The following PRKCI variants were observed in gnomAD, a reference collection of about 807,000 sequenced individuals.
PRKCI encodes the protein protein kinase C iota type.
A neutral mutation model predicts 84.0 loss-of-function variants in PRKCI; 43 were observed. The ratio of observed to expected loss-of-function variants is 0.51; its 90% confidence interval spans 0.40 to 0.66. The LOEUF (loss-of-function observed/expected upper bound fraction) is 0.66, where lower values mean the gene tolerates loss of function less well. PRKCI is among the 30% of genes least tolerant of loss of function. The pLI is 0.00. For synonymous variants in PRKCI, 216 were observed against 234.4 expected (o/e 0.92, Z 0.72); for missense variants, 459 against 745.6 (o/e 0.62, Z 4.48).
intron 17 of PRKCI, among the ~76,000 whole-genome samples, chr3:170,301,416 G>A (rs147419593): frequency 2.6e-5 from 4 of 152,242 alleles, no homozygotes; most frequent in Non-Finnish European, 4.4e-5. Context: ...TGTTTAACAC[G>A]GCCCCCAGTT....
chr3:170,269,340 C>T (rs1733945093), intron 5 of PRKCI, among the ~76,000 whole-genome samples: 1 of 152,246 alleles, frequency 6.6e-6, no homozygotes, highest in African/African-American at 2.4e-5. Context: ...TCTCCAAACT[C>T]TCTTACTTCC....
chr3:170,235,766 T>C (rs1475364787), intron 2 of PRKCI, among the ~76,000 whole-genome samples: 1 of 151,752 alleles, frequency 6.6e-6, no homozygotes, highest in Non-Finnish European at 1.5e-5. Flanking sequence ...GGGGTTTCGC[T>C]ATGTTGGCCA....
intron 1 of PRKCI, among the ~76,000 whole-genome samples, chr3:170,226,058 G>A (rs1732620598): frequency 6.6e-6 from 1 of 151,758 alleles, no homozygotes; most frequent in African/African-American, 2.4e-5. Flanking sequence ...GACTACAGGC[G>A]CCCACCACCA....
intron 2 of PRKCI, among the ~76,000 whole-genome samples, chr3:170,246,270 A>T (rs1733282203): frequency 6.6e-6 from 1 of 152,096 alleles, no homozygotes. Context: ...CTCTTGCCTC[A>T]GCCTCCTGAG....
chr3:170,295,564 T>C (rs751260960), intron 14 of PRKCI, among the ~76,000 whole-genome samples: 2 of 150,866 alleles, frequency 1.3e-5, no homozygotes, highest in Non-Finnish European at 2.9e-5. Flanking sequence ...TAATCCCAGC[T>C]ACTCAGGAGG....
In PRKCI at chr3:170,222,622, G is replaced by GC. The variant is rs762502986; in HGVS notation, c.-41dup. ...CGGAGTCCCCCACGGCGCCCGAAGC[G>GC]CCCCCCCGCACCCCCGGCCTCCAGC... On this transcript the variant is annotated 5_prime_UTR_variant, in exon 1 of 18. Coordinates refer to ENST00000295797, the MANE Select transcript of PRKCI (RefSeq NM_002740.6). 34 of 1,482,146 alleles carry GC rather than the reference G, an allele frequency of 2.3e-5. No individual in the cohort carries two copies. The highest frequency in any genetic ancestry group is 4.4e-5 in the African/African-American group (3 of 68,816). The allele number at this position is 1,482,146 out of a possible 1,614,324, so 91.8% of individuals were successfully genotyped here.
chr3:170,253,640 A>T (rs1458371788), intron 2 of PRKCI, among the ~76,000 whole-genome samples: 1 of 152,020 alleles, frequency 6.6e-6, no homozygotes, highest in Admixed American at 6.6e-5. Context: ...AAATCCAAAA[A>T]ATTAGCCGGG....
intron 3 of PRKCI, 61 bp from the exon 4 acceptor site, chr3:170,263,318 T>C: frequency 7.1e-7 from 1 of 1,404,986 alleles, no homozygotes; most frequent in South Asian, 1.2e-5. Context: ...GAATTTTAAA[T>C]TCTGTGTAAT....
rs552384507 is a variant in PRKCI at position 170,247,292 on chromosome 3, G to A, written c.223+11941G>A. 4.3e-3 allele frequency among the ~76,000 whole-genome samples: 656 copies of A among 152,034 alleles called. 4 individuals are homozygous for A. The highest frequency in any genetic ancestry group is 7.4e-3 in the Non-Finnish European group (504 of 67,962). The stretch of plus-strand genomic sequence containing the variant: ...GCTGGTCTTGAACTCTTGGACTCAA[G>A]CAATCCTCCCACCTTGGCCTCCCAA... On this transcript the variant is annotated intron_variant, in intron 2 of 17. Coordinates refer to ENST00000295797, the MANE Select transcript of PRKCI (RefSeq NM_002740.6).
intron 2 of PRKCI, among the ~76,000 whole-genome samples, chr3:170,257,606 C>G (rs1733615585): frequency 6.6e-6 from 1 of 151,766 alleles, no homozygotes; most frequent in Non-Finnish European, 1.5e-5. Flanking sequence ...TCTAGTTTTA[C>G]TCTTGAGATT....
chr3:170,297,460 T>G, intron 16 of PRKCI, 67 bp downstream of exon 16: 1 of 1,306,218 alleles, frequency 7.7e-7, no homozygotes, highest in South Asian at 1.3e-5. Context: ...TTTGTTGTTG[T>G]TCTGTTTGTT....
intron 5 of PRKCI, 43 bp from the exon 6 acceptor site, chr3:170,270,378 G>T: frequency 1.3e-6 from 2 of 1,548,962 alleles, no homozygotes; most frequent in South Asian, 2.4e-5. Context: ...AAATGGTTAT[G>T]ACCTTCTTGG....
intron 7 of PRKCI, 44 bp from the exon 8 acceptor site, chr3:170,275,185 A>G: frequency 7.7e-7 from 1 of 1,295,334 alleles, no homozygotes; most frequent in Non-Finnish European, 1.0e-6. Context: ...TTTCTCCTGC[A>G]CCTTTTTTTT....
chr3:170,290,814 T>C (rs1259805557), intron 12 of PRKCI, among the ~76,000 whole-genome samples: 2 of 152,134 alleles, frequency 1.3e-5, no homozygotes, highest in African/African-American at 2.4e-5. Context: ...TGTTAGTGTG[T>C]TTTGCCTTAT....
At chr3:170,287,272 G>C (rs1734417047) in intron 12 of PRKCI, among the ~76,000 whole-genome samples, 1 of 151,828 alleles carries the variant, frequency 6.6e-6, no homozygotes, top group Admixed American at 6.6e-5. Flanking sequence ...GTAGTGAGCT[G>C]TAATCGCGCC....
At chr3:170,280,020 C>T in intron 8 of PRKCI, 1 of 395,188 alleles carries the variant, frequency 2.5e-6, no homozygotes, top group Non-Finnish European at 4.4e-6. Flanking sequence ...TTCTTATTAC[C>T]ATCCCTCTTA....
chr3:170,275,369 T>G (rs1345763455), intron 8 of PRKCI, 82 bp downstream of exon 8: 1 of 1,301,858 alleles, frequency 7.7e-7, no homozygotes, highest in Non-Finnish European at 1.0e-6. Flanking sequence ...CATATTGACC[T>G]GCTTAGACTT....
At position 170,305,776 on chromosome 3, in the gene PRKCI, A is replaced by C. The variant is rs1734943881; in HGVS notation, c.*2649A>C. On this transcript the variant is annotated 3_prime_UTR_variant, in exon 18 of 18. Coordinates refer to ENST00000295797, the MANE Select transcript of PRKCI (RefSeq NM_002740.6). ...TCTAAGAAAAACTTTATTTTGCATA[A>C]GCATGTGGTCAGATCATTTTGTGCA... 2 of 152,202 alleles carry C rather than the reference A, an allele frequency of 1.3e-5. No homozygotes were observed. The highest frequency in any genetic ancestry group is 2.9e-5 in the Non-Finnish European group (2 of 68,032). The allele number at this position is 152,202 out of a possible 1,614,324, so 9.4% of individuals were successfully genotyped here.
intron 1 of PRKCI, among the ~76,000 whole-genome samples, chr3:170,225,816 T>C (rs1206764169): frequency 6.6e-6 from 1 of 152,072 alleles, no homozygotes; most frequent in Non-Finnish European, 1.5e-5. Context: ...ATGTGTATAG[T>C]GTTATTATTC....
Sources: allele counts gnomAD v4.1 joint callset (sites outside exome capture counted in the v4.1 genomes callset), GRCh38; gene constraint gnomAD v4.1.1; transcripts MANE v1.5; gene names NCBI Gene and HGNC (gene_info 2026-07-23, HGNC 2026-07-21).